CEP295: variants seen among roughly 807,000 people sequenced by gnomAD.
The protein encoded by CEP295 is centrosomal protein 295, also known as centrosomal protein of 295 kDa.
A neutral mutation model predicts 291.6 loss-of-function variants in CEP295; 190 were observed. The ratio of observed to expected loss-of-function variants is 0.65; its 90% CI spans 0.58 to 0.73. The LOEUF (loss-of-function observed/expected upper bound fraction) is 0.73, where lower values mean the gene tolerates loss of function less well. CEP295 is among the 30% of genes least tolerant of loss of function. CEP295 has a pLI of 0.00. For missense variants in CEP295, 2,863 were observed against 2,949.4 expected (o/e 0.97, Z 0.68); for synonymous variants, 993 against 1,038.8 (o/e 0.96, Z 0.85).
chr11:93,703,894 G>A (rs1454196638), intron 17 of CEP295, among the ~76,000 whole-genome samples: 3 of 150,506 alleles, frequency 2.0e-5, no homozygotes, highest in African/African-American at 2.4e-5. Flanking sequence ...TCAGCCTCCC[G>A]AGGAGCTGGA....
At chr11:93,700,933 A>G (rs1183658891) in intron 15 of CEP295, among the ~76,000 whole-genome samples, 1 of 152,158 alleles carries the variant, frequency 6.6e-6, no homozygotes, top group Non-Finnish European at 1.5e-5. Context: ...AACGGGCATG[A>G]TTTTAGGCTG....
In CEP295 at chr11:93,710,750, T is replaced by G. The variant is rs150333924; in HGVS notation, c.5749+3853T>G. Reference sequence around the variant, plus strand: ...GTGAAGCGATAGTGTCCTGAGCTTTTCTTTGCTGGGAGACTTTTTATTTCA... The same window carrying G: ...GTGAAGCGATAGTGTCCTGAGCTTTGCTTTGCTGGGAGACTTTTTATTTCA... On this transcript the variant is annotated intron_variant, in intron 18 of 29. Coordinates refer to ENST00000325212, the MANE Select transcript of CEP295 (RefSeq NM_033395.2). 6.9e-3 allele frequency among the ~76,000 whole-genome samples: 1,050 copies of G among 152,322 alleles called. 18 individuals carry two copies. The highest frequency in any genetic ancestry group is 0.024 in the African/African-American group (1,004 of 41,562).
At chr11:93,713,076 CT>C (rs1353452708) in intron 18 of CEP295, among the ~76,000 whole-genome samples, 4 of 151,730 alleles carry the variant, frequency 2.6e-5, no homozygotes, top group Admixed American at 1.3e-4. Flanking sequence ...AAAGAGAAAA[CT>C]AATAAAAGCC....
At position 93,730,098 on chromosome 11, in the gene CEP295, AAAC is replaced by A; in HGVS notation, c.7720_7722del (p.Gln2574del). ...GAAACAACAAAAGGAAGAAAAAACA[AAAC>A]AAGAAGCTTATGCCCAAAACAGAGC... On this transcript the variant is annotated inframe_deletion, in exon 29 of 30. Transcript: ENST00000325212. 1.3e-6 allele frequency: 2 copies of A among 1,551,338 alleles called. No homozygotes were observed. The highest frequency in any genetic ancestry group is 1.7e-6 in the Non-Finnish European group (2 of 1,146,880).
At chr11:93,701,549 ATC>A (rs1952157414) in intron 15 of CEP295, among the ~76,000 whole-genome samples, 1 of 152,002 alleles carries the variant, frequency 6.6e-6, no homozygotes, top group Non-Finnish European at 1.5e-5. Context: ...CTCAAATATA[ATC>A]TCTTATGGAA....
At chr11:93,696,572 A>C (rs1951855170) in intron 14 of CEP295, 110 bp from the exon 15 acceptor site, 2 of 1,130,184 alleles carry the variant, frequency 1.8e-6, no homozygotes, top group Admixed American at 2.8e-5. Flanking sequence ...ATTTCTTTTC[A>C]CCATGAGTAT....
chr11:93,664,602 T>G (rs1045128767), intron 1 of CEP295, among the ~76,000 whole-genome samples: 1 of 152,238 alleles, frequency 6.6e-6, no homozygotes, highest in Non-Finnish European at 1.5e-5. Flanking sequence ...TCACATAAAT[T>G]AACTCATTGA....
In CEP295 at chr11:93,730,298, A is replaced by G. The variant is rs1938278926; in HGVS notation, c.*29A>G. The stretch of plus-strand genomic sequence containing the variant: ...TCTAGAAATAGTGTAAAGGTTTTTT[A>G]ATTGTGTATATGTAGCATTAGACAA... On this transcript the variant is annotated 3_prime_UTR_variant, in exon 30 of 30. Coordinates refer to ENST00000325212, the MANE Select transcript of CEP295 (RefSeq NM_033395.2). 2 of 1,439,798 alleles carry G rather than the reference A, an allele frequency of 1.4e-6. No homozygotes were observed. Among genetic ancestry groups the G allele is most frequent in the Non-Finnish European group, 1.9e-6 (2 of 1,046,886 alleles). 89.2% of individuals were successfully genotyped at this position (1,439,798 alleles called of 1,614,324 possible).
Position 93,730,059 on chromosome 11 carries a change from C to A in CEP295, c.7678C>A (p.Gln2560Lys), listed in dbSNP as rs867677328. 1.1e-5 allele frequency: 17 copies of A among 1,548,042 alleles called. No individual in the cohort carries two copies. The African/African-American group carries it at 1.8e-4, about 16-fold the overall frequency. The change falls in exon 29 of 30, where the codon CAA (glutamine) becomes AAA (lysine). Residue 2560 changes from glutamine (Q) to lysine (K), a missense_variant. By Grantham distance (53) the Gln-to-Lys change is moderately conservative (BLOSUM62 1). Around this residue, in one of 3 missense-constraint regions of CEP295, gnomAD observed 2,295 missense variants for 2,335.7 expected, o/e 0.98. Transcript: ENST00000325212. ...ATAAATTCTTTACAGGTTATACAAT[C>A]AACTAGCTGAAGTGAAACAACAAAA... Reference protein sequence around the residue: ...RHQRGLRLYNQLAEVKQQKEE... With the variant: ...RHQRGLRLYNKLAEVKQQKEE...
In CEP295 at chr11:93,687,856, C is replaced by G. The variant is rs1181180617; in HGVS notation, c.1327C>G (p.Gln443Glu). ...ASKERTLSSG[Q>E]EQVVESDTLT... ...CAAAGAGAGAACGTTATCCTCTGGGCAGGAACAAGGTATTTCTCTCCAAGA... is the reference window on the plus strand; with the variant it reads ...CAAAGAGAGAACGTTATCCTCTGGGGAGGAACAAGGTATTTCTCTCCAAGA... Residue 443 changes from glutamine (Q) to glutamate (E), a missense_variant, in exon 10 of 30, where the codon CAG (glutamine) becomes GAG (glutamate). Gln to Glu is a conservative substitution (Grantham distance 29, BLOSUM62 2). This residue lies in a region of CEP295 where 554 missense variants were observed against 576.0 expected (regional missense o/e 0.96). Coordinates refer to ENST00000325212, the MANE Select transcript of CEP295 (RefSeq NM_033395.2). 6.5e-7 allele frequency: 1 copy of G among 1,548,620 alleles called. No individual in the cohort carries two copies. The highest frequency in any genetic ancestry group is 8.7e-7 in the Non-Finnish European group (1 of 1,145,114).
intron 6 of CEP295, among the ~76,000 whole-genome samples, chr11:93,679,123 A>T (rs550175680): frequency 6.0e-4 from 92 of 152,172 alleles, no homozygotes; most frequent in Non-Finnish European, 1.1e-3. Flanking sequence ...AATTACAGGC[A>T]TGCGCCACCA....
intron 5 of CEP295, among the ~76,000 whole-genome samples, chr11:93,674,049 G>A (rs531208559): frequency 3.8e-4 from 57 of 150,802 alleles, no homozygotes; most frequent in African/African-American, 1.0e-3. Flanking sequence ...TGCAACCTCC[G>A]ACCCCTAGGT....
At chr11:93,689,237 C>G (rs1021641030) in intron 10 of CEP295, among the ~76,000 whole-genome samples, 3 of 152,278 alleles carry the variant, frequency 2.0e-5, no homozygotes, top group African/African-American at 7.2e-5. Flanking sequence ...GGATGAAGCC[C>G]TCCAGTAACT....
At position 93,727,369 on chromosome 11, in the gene CEP295, T is replaced by G. The variant is rs962744977; in HGVS notation, c.6893T>G (p.Leu2298Arg). The stretch of plus-strand genomic sequence containing the variant: ...GTTACAATGTTACAAAGTCAAGGAC[T>G]CATTGAAGATAATAAAAATGAAACC... ...GVVTMLQSQG[L>R]IEDNKNETCR... Residue 2298 changes from leucine to arginine, a missense_variant, in exon 24 of 30, where the codon CTC becomes CGC. By Grantham distance (102) the Leu-to-Arg change is moderately radical. Coordinates refer to ENST00000325212, the MANE Select transcript of CEP295 (RefSeq NM_033395.2). The G allele has an allele frequency of 1.3e-6, 2 of 1,551,466 alleles. No homozygotes were observed. Among genetic ancestry groups the G allele is most frequent in the Non-Finnish European group, 1.7e-6 (2 of 1,146,944 alleles).
Position 93,697,158 on chromosome 11 carries a change from GA to G in CEP295, c.2251del (p.Ile751TyrfsTer13). On this transcript the variant is annotated frameshift_variant, in exon 15 of 30. Coordinates refer to ENST00000325212, the MANE Select transcript of CEP295 (RefSeq NM_033395.2). LOFTEE classifies it high-confidence loss of function. ...AGGCAGCTAATATCACAGGATGCTA[GA>G]AAAATATCTGAAACATTTGGGGCAA... ...HDRQLISQDA[R>X]KISETFGATT... 2.6e-6 allele frequency: 4 copies of G among 1,551,876 alleles called. No homozygotes were observed. The highest frequency in any genetic ancestry group is 3.5e-6 in the Non-Finnish European group (4 of 1,147,042).
At chr11:93,722,762 A>ATTT in intron 20 of CEP295, 2 of 279,344 alleles carry the variant, frequency 7.2e-6, no homozygotes, top group Non-Finnish European at 1.4e-5. Flanking sequence ...TGTCAATTAC[A>ATTT]TTTTTTTTTC....
intron 1 of CEP295, among the ~76,000 whole-genome samples, chr11:93,663,512 G>A (rs961112499): frequency 2.5e-4 from 38 of 152,282 alleles, no homozygotes; most frequent in African/African-American, 8.9e-4. Context: ...ATAGACATTA[G>A]TGTGATAATT....
chr11:93,706,702 A>G (rs889857028), intron 17 of CEP295, 43 bp from the exon 18 acceptor site: 6 of 1,475,708 alleles, frequency 4.1e-6, no homozygotes, highest in Non-Finnish European at 5.4e-6. Flanking sequence ...TCTAGCTATT[A>G]ATAGTTCCAG....
At position 93,729,929 on chromosome 11, in the gene CEP295, A is replaced by C. The variant is rs368869877; in HGVS notation, c.7627A>C (p.Arg2543=). The change falls in exon 28 of 30, where the codon AGA becomes CGA. Residue 2543 remains arginine, a synonymous_variant. Coordinates refer to ENST00000325212, the MANE Select transcript of CEP295 (RefSeq NM_033395.2). ...NKVRASFPED[R]KTTQALRHQR... is the part of the protein sequence containing the mutation. ...AGTCAGAGCATCTTTTCCTGAAGACAGAAAGACTACACAGGCTCTAAGGCA... is the reference window on the plus strand; with the variant it reads ...AGTCAGAGCATCTTTTCCTGAAGACCGAAAGACTACACAGGCTCTAAGGCA... The C allele has an allele frequency of 3.2e-6, 5 of 1,549,732 alleles. No individual in the cohort carries two copies. The highest frequency in any genetic ancestry group is 4.4e-6 in the Non-Finnish European group (5 of 1,146,594).
Sources: gnomAD v4.1 joint callset for allele counts (sites outside exome capture counted in the v4.1 genomes callset) on GRCh38, gnomAD v4.1.1 for gene constraint, gnomAD v4.1.1 regional missense constraint, MANE v1.5 for transcripts, NCBI Gene and HGNC (gene_info 2026-07-23, HGNC 2026-07-21) for gene names.